Variants in STXBP5L observed in about 807,000 individuals in gnomAD.
STXBP5L encodes syntaxin-binding protein 5-like.
Under a neutral mutation model 144.5 loss-of-function variants are expected in STXBP5L, and 65 were observed. The observed-to-expected ratio is 0.45, with a 90% CI of 0.37 to 0.55. The LOEUF is 0.55. STXBP5L is among the 20% of genes least tolerant of loss of function. STXBP5L has a pLI of 0.00. For synonymous variants in STXBP5L, 505 were observed against 469.6 expected, an observed-to-expected ratio of 1.08 and a Z score of -0.97; for missense variants, 1,298 against 1,405.5, an observed-to-expected ratio of 0.92 and a Z score of 1.22.
intron 3 of STXBP5L, among the ~76,000 whole-genome samples, chr3:120,982,409 T>C (rs575061131): frequency 4.5e-4 from 68 of 152,060 alleles, no homozygotes; most frequent in Admixed American, 8.5e-4. Context: ...CCTGGTGAAA[T>C]GTACTGAGCT....
intron 3 of STXBP5L, among the ~76,000 whole-genome samples, chr3:120,995,296 T>A (rs1324657893): frequency 6.6e-6 from 1 of 152,012 alleles, no homozygotes; most frequent in Non-Finnish European, 1.5e-5. Context: ...CGCAGGAGTG[T>A]TCCACCATGC....
intron 22 of STXBP5L, among the ~76,000 whole-genome samples, chr3:121,398,577 T>A (rs547960535): frequency 6.6e-6 from 1 of 152,348 alleles, no homozygotes; most frequent in South Asian, 2.1e-4. Context: ...GCAGTTTTCT[T>A]TTTTCCCTTA....
chr3:120,979,197 C>A (rs1559944194), intron 3 of STXBP5L, among the ~76,000 whole-genome samples: 1 of 152,190 alleles, frequency 6.6e-6, no homozygotes, highest in Non-Finnish European at 1.5e-5. Flanking sequence ...TGGTGGGCTT[C>A]CCCCAGTTGG....
chr3:121,069,014 G>A (rs1177853409), intron 5 of STXBP5L, among the ~76,000 whole-genome samples: 1 of 152,008 alleles, frequency 6.6e-6, no homozygotes, highest in Non-Finnish European at 1.5e-5. Context: ...GTGTGTGTGT[G>A]TATACTTGAA....
rs1381926261 is a variant in STXBP5L, at chr3:121,423,768, C to A, written c.*4671C>A. 6.6e-6 allele frequency: 1 copy of A among 152,224 alleles called. No individual in the cohort carries two copies. Among genetic ancestry groups the A allele is most frequent in the African/African-American group, 2.4e-5 (1 of 41,460 alleles). The allele number at this position is 152,224 out of a possible 1,614,324, so 9.4% of individuals were successfully genotyped here. A position where few individuals can be genotyped will look rare whatever the true frequency, so the allele number is the denominator to read the frequency against. ...AGGAAACCTTGTTTGTCTGCCTTGG[C>A]TGGTGCTCCAGCCCCAGTTCTGAGT... On this transcript the variant is annotated 3_prime_UTR_variant, in exon 27 of 27. Transcript: ENST00000471454.
chr3:120,916,911 A>T (rs1175005682), intron 2 of STXBP5L, among the ~76,000 whole-genome samples: 1 of 152,234 alleles, frequency 6.6e-6, no homozygotes, highest in Non-Finnish European at 1.5e-5. Flanking sequence ...CTTGTCTATA[A>T]ATCTGTAAAC....
chr3:120,977,238 G>T (rs1187050573), intron 3 of STXBP5L, among the ~76,000 whole-genome samples: 1 of 152,168 alleles, frequency 6.6e-6, no homozygotes, highest in Non-Finnish European at 1.5e-5. Context: ...CCTGTATTGG[G>T]TGCATATATA....
chr3:121,130,309 A>G (rs2044920543), intron 7 of STXBP5L, among the ~76,000 whole-genome samples: 1 of 152,136 alleles, frequency 6.6e-6, no homozygotes, highest in African/African-American at 2.4e-5. Context: ...GAACCATGGA[A>G]TGCCAAATGA....
intron 20 of STXBP5L, among the ~76,000 whole-genome samples, chr3:121,354,427 A>G (rs1301775950): frequency 6.7e-6 from 1 of 148,810 alleles, no homozygotes; most frequent in East Asian, 2.0e-4. Context: ...ACCCTTTGCC[A>G]TTATGTAATG....
intron 7 of STXBP5L, among the ~76,000 whole-genome samples, chr3:121,133,294 T>A (rs1365577994): frequency 2.6e-5 from 4 of 151,970 alleles, no homozygotes; most frequent in Non-Finnish European, 5.9e-5. Flanking sequence ...GAACACCAAA[T>A]AAAATGAACC....
At chr3:121,087,480 A>G (rs2042553446) in intron 5 of STXBP5L, among the ~76,000 whole-genome samples, 1 of 152,066 alleles carries the variant, frequency 6.6e-6, no homozygotes, top group Non-Finnish European at 1.5e-5. Flanking sequence ...ATTATCTAAC[A>G]TAATATAGTG....
chr3:121,110,521 G>C (rs2107811193), intron 5 of STXBP5L, among the ~76,000 whole-genome samples: 1 of 152,198 alleles, frequency 6.6e-6, no homozygotes, highest in East Asian at 1.9e-4. Flanking sequence ...TCTGGGTTGA[G>C]TATTCTTTGC....
intron 7 of STXBP5L, among the ~76,000 whole-genome samples, chr3:121,129,693 A>C (rs1411644891): frequency 1.3e-5 from 2 of 152,122 alleles, no homozygotes; most frequent in East Asian, 3.9e-4. Flanking sequence ...TCATGCTCTC[A>C]GTCATAATAT....
At chr3:120,981,417 G>A (rs1031360471) in intron 3 of STXBP5L, among the ~76,000 whole-genome samples, 1 of 151,936 alleles carries the variant, frequency 6.6e-6, no homozygotes. Context: ...GTCTAACTGG[G>A]TTAATTAAAA....
chr3:121,305,012 C>G (rs1270840477), intron 19 of STXBP5L, among the ~76,000 whole-genome samples: 1 of 151,820 alleles, frequency 6.6e-6, no homozygotes, highest in Non-Finnish European at 1.5e-5. Context: ...ATTCTACAGA[C>G]ATTAAAGAAA....
intron 5 of STXBP5L, among the ~76,000 whole-genome samples, chr3:121,066,721 T>C (rs1050107199): frequency 6.6e-6 from 1 of 152,132 alleles, no homozygotes; most frequent in Non-Finnish European, 1.5e-5. Context: ...TTCATAGTTA[T>C]GTCGACTTTA....
chr3:121,374,579 C>T (rs1467776383), intron 20 of STXBP5L, among the ~76,000 whole-genome samples: 1 of 152,060 alleles, frequency 6.6e-6, no homozygotes, highest in Non-Finnish European at 1.5e-5. Flanking sequence ...AATTCCTGAG[C>T]TGAATGAGAA....
chr3:121,131,370 A>G (rs2044981411), intron 7 of STXBP5L, among the ~76,000 whole-genome samples: 1 of 152,210 alleles, frequency 6.6e-6, no homozygotes, highest in South Asian at 2.1e-4. Context: ...AAGTTATTAA[A>G]TTACTACTCC....
intron 9 of STXBP5L, among the ~76,000 whole-genome samples, chr3:121,178,305 A>T (rs1272635662): frequency 1.3e-5 from 2 of 152,324 alleles, no homozygotes; most frequent in African/African-American, 2.4e-5. Context: ...ACTACAATTT[A>T]AAAAACTACA....
Sources: gnomAD v4.1 joint callset for allele counts (sites outside exome capture counted in the v4.1 genomes callset) on GRCh38, gnomAD v4.1.1 for gene constraint, MANE v1.5 for transcripts, NCBI Gene and HGNC (gene_info 2026-07-23, HGNC 2026-07-21) for gene names.